Variants in CS observed in about 807,000 individuals in gnomAD.
CS encodes the protein citrate synthase, also known as citrate synthase, mitochondrial.
A neutral mutation model predicts 61.4 loss-of-function variants in CS; 13 were observed. The observed-to-expected ratio is 0.21, with a 90% CI of 0.14 to 0.34. CS has a LOEUF of 0.34. Among genes scored for constraint, CS ranks in the 10% least tolerant of loss-of-function variants. The probability of loss-of-function intolerance (pLI) is 1.00; values close to 1 mark genes in which losing one functional copy is unlikely to be tolerated. For missense variants in CS, 278 were observed against 573.4 expected (o/e 0.48, Z 5.26); for synonymous variants, 159 against 215.2 (o/e 0.74, Z 2.29).
intron 3 of CS, chr12:56,285,211 G>A (rs747619004): frequency 1.2e-5 from 5 of 431,934 alleles, no homozygotes; most frequent in South Asian, 8.2e-5. Flanking sequence ...CTCCCAAAGT[G>A]CTGGGATTAC....
chr12:56,290,446 C>T (rs1317290339), intron 1 of CS, among the ~76,000 whole-genome samples: 1 of 151,168 alleles, frequency 6.6e-6, no homozygotes, highest in Non-Finnish European at 1.5e-5. Flanking sequence ...CTTCTGACCT[C>T]GTGATCCACC....
intron 1 of CS, among the ~76,000 whole-genome samples, chr12:56,287,339 C>T (rs1305163943): frequency 1.3e-5 from 2 of 151,614 alleles, no homozygotes; most frequent in Admixed American, 6.6e-5. Context: ...ATTAGCCAGG[C>T]GTGGTATGGG....
intron 2 of CS, 191 bp downstream of exon 2, chr12:56,286,404 C>T: frequency 1.8e-6 from 1 of 568,542 alleles, no homozygotes; most frequent in Middle Eastern, 4.6e-4. Context: ...TCCCATCTCA[C>T]TATACCACTG....
chr12:56,294,862 G>A (rs994096541), intron 1 of CS, among the ~76,000 whole-genome samples: 12 of 152,094 alleles, frequency 7.9e-5, no homozygotes, highest in East Asian at 1.9e-4. Context: ...TCTGCCACCC[G>A]GATTCAAGTG....
intron 1 of CS, among the ~76,000 whole-genome samples, chr12:56,294,739 A>T (rs1342295345): frequency 6.6e-6 from 1 of 151,502 alleles, no homozygotes; most frequent in Non-Finnish European, 1.5e-5. Context: ...GCCAGGAATC[A>T]CAAGTATTAA....
intron 9 of CS, chr12:56,274,136 A>G (rs1452207081): frequency 3.6e-6 from 1 of 275,314 alleles, no homozygotes; most frequent in Non-Finnish European, 7.0e-6. Context: ...CAACTGACCA[A>G]CTCGGAGAAA....
intron 2 of CS, 31 bp from the exon 3 acceptor site, chr12:56,286,054 G>A (rs776058897): frequency 1.3e-6 from 2 of 1,556,878 alleles, no homozygotes; most frequent in South Asian, 1.1e-5. Flanking sequence ...ACTAAGCAAT[G>A]GTCTAAAAGT....
At chr12:56,288,580 C>A (rs1873016827) in intron 1 of CS, among the ~76,000 whole-genome samples, 1 of 151,778 alleles carries the variant, frequency 6.6e-6, no homozygotes, top group South Asian at 2.1e-4. Context: ...TGGTGATACG[C>A]CTACCTCGGC....
intron 1 of CS, 83 bp from the exon 2 acceptor site, chr12:56,286,728 C>T (rs1406833727): frequency 6.6e-6 from 8 of 1,207,508 alleles, no homozygotes; most frequent in African/African-American, 6.0e-5. Flanking sequence ...GTGACTCAAC[C>T]TCTCTCTCTT....
intron 7 of CS, 108 bp downstream of exon 7, chr12:56,275,888 C>T: frequency 1.0e-6 from 1 of 981,474 alleles, no homozygotes; most frequent in Non-Finnish European, 1.6e-6. Flanking sequence ...TTTCTGTCTT[C>T]TTGCTGCCTA....
At chr12:56,295,951 C>CAAAAAAAAAAAAA (rs71081343) in intron 1 of CS, among the ~76,000 whole-genome samples, 13 of 40,508 alleles carry the variant, frequency 3.2e-4, no homozygotes, top group East Asian at 1.0e-3. Flanking sequence ...GAAACTGTCT[C>CAAAAAAAAAAAAA]AAAAAAAAAA....
chr12:56,296,843 C>G (rs1873321837), intron 1 of CS, among the ~76,000 whole-genome samples: 1 of 152,204 alleles, frequency 6.6e-6, no homozygotes, highest in Non-Finnish European at 1.5e-5. Flanking sequence ...ATCAAGGAAT[C>G]ACCGTTACTT....
In CS at chr12:56,283,008, G is replaced by A. The variant is rs374310491; in HGVS notation, c.268-17C>T. On this transcript the variant is annotated splice_polypyrimidine_tract_variant and intron_variant, in intron 4 of 10. Transcript: ENST00000351328. ...ACGGATGCCCTTGAGAGAGGAGAGAGAGAATTACAACTCAAGTTTATAGCC... is the reference window on the plus strand; with the variant it reads ...ACGGATGCCCTTGAGAGAGGAGAGAAAGAATTACAACTCAAGTTTATAGCC... 4.6e-5 allele frequency: 75 copies of A among 1,613,628 alleles called. No individual in the cohort carries two copies. Among genetic ancestry groups the A allele is most frequent in the Admixed American group, 3.0e-4 (18 of 59,934 alleles).
chr12:56,274,092 T>G, intron 9 of CS: 1 of 397,418 alleles, frequency 2.5e-6, no homozygotes, highest in Non-Finnish European at 4.7e-6. Context: ...GGTGGGCAGA[T>G]CACCTGAGGT....
intron 1 of CS, among the ~76,000 whole-genome samples, chr12:56,286,914 C>T (rs1348954094): frequency 1.3e-5 from 2 of 152,134 alleles, no homozygotes; most frequent in Non-Finnish European, 2.9e-5. Flanking sequence ...CAGAGCAGGG[C>T]GGTTATCAAT....
intron 9 of CS, chr12:56,274,395 T>A (rs1190584097): frequency 1.2e-4 from 21 of 168,274 alleles, no homozygotes; most frequent in Non-Finnish European, 2.4e-4. Context: ...ACGAGATCCA[T>A]CCACCCTGGA....
intron 1 of CS, among the ~76,000 whole-genome samples, chr12:56,294,861 C>T (rs1010632128): frequency 1.2e-4 from 18 of 152,094 alleles, no homozygotes; most frequent in African/African-American, 4.3e-4. Context: ...CTCTGCCACC[C>T]GGATTCAAGT....
chr12:56,296,596 C>T (rs1402325768), intron 1 of CS, among the ~76,000 whole-genome samples: 2 of 152,220 alleles, frequency 1.3e-5, no homozygotes, highest in Admixed American at 6.5e-5. Flanking sequence ...AAAGTATTGA[C>T]ACAGGGCAGA....
chr12:56,293,122 CA>C (rs1302867955), intron 1 of CS, among the ~76,000 whole-genome samples: 1 of 151,710 alleles, frequency 6.6e-6, no homozygotes, highest in South Asian at 2.1e-4. Flanking sequence ...CAAAACAAAA[CA>C]AAAAAAGCCC....
Sources: allele counts gnomAD v4.1 joint callset (sites outside exome capture counted in the v4.1 genomes callset), GRCh38; gene constraint gnomAD v4.1.1; transcripts MANE v1.5; gene names NCBI Gene and HGNC (gene_info 2026-07-23, HGNC 2026-07-21).